Variants in SAMD5 observed in about 807,000 individuals in gnomAD.
The protein encoded by SAMD5 is sterile alpha motif domain containing 5, also known as sterile alpha motif domain-containing protein 5.
A neutral mutation model predicts 11.3 loss-of-function variants in SAMD5; 13 were observed. That is an observed-to-expected ratio of 1.15 (90% CI 0.75 to 1.83). The LOEUF (loss-of-function observed/expected upper bound fraction) is 1.83, where lower values mean the gene tolerates loss of function less well. Ranked by LOEUF, SAMD5 falls within the 40% of genes most tolerant of loss-of-function variation. The pLI is 0.00. For missense variants in SAMD5, 255 were observed against 239.1 expected (o/e 1.07, Z -0.44); for synonymous variants, 129 against 111.3 (o/e 1.16, Z -1.00).
At chr6:147,887,043 T>A in the SAMD5 span, among the ~76,000 whole-genome samples, 2 of 152,320 alleles carry the variant, frequency 1.3e-5, 1 homozygote, top group South Asian at 4.1e-4. Flanking sequence ...CTAACCCACA[T>A]AAACTGTGAG....
At chr6:147,756,369 T>C in the SAMD5 span, among the ~76,000 whole-genome samples, 2 of 152,156 alleles carry the variant, frequency 1.3e-5, no homozygotes, top group Non-Finnish European at 2.9e-5. Context: ...TAATTTGATT[T>C]GGATCCTGGG....
intron 1 of SAMD5, among the ~76,000 whole-genome samples, chr6:147,544,908 GA>G (rs1267534755): frequency 6.6e-6 from 1 of 152,044 alleles, no homozygotes; most frequent in Admixed American, 6.6e-5. Flanking sequence ...GAAATTCTTT[GA>G]CAACAAAATA....
chr6:147,674,961 C>T (rs1790843110), intron 1 of SAMD5, among the ~76,000 whole-genome samples: 1 of 152,206 alleles, frequency 6.6e-6, no homozygotes, highest in Non-Finnish European at 1.5e-5. Context: ...AACACTAACC[C>T]TTGCCCATGG....
At chr6:147,835,003 C>T in the SAMD5 span, among the ~76,000 whole-genome samples, 6 of 152,050 alleles carry the variant, frequency 3.9e-5, no homozygotes, top group Admixed American at 2.6e-4. Context: ...CCGAGGTGGG[C>T]TGATCACTTG....
chr6:147,772,721 C>G, the SAMD5 span, among the ~76,000 whole-genome samples: 3 of 152,122 alleles, frequency 2.0e-5, no homozygotes, highest in African/African-American at 7.2e-5. Context: ...CTTACATGGA[C>G]ACTAGTCAGA....
At chr6:147,608,125 A>G (rs192745200) in intron 1 of SAMD5, among the ~76,000 whole-genome samples, 1 of 152,214 alleles carries the variant, frequency 6.6e-6, no homozygotes, top group Non-Finnish European at 1.5e-5. Flanking sequence ...TATATCCAAA[A>G]GACAGGCAAT....
At chr6:147,849,588 A>G in the SAMD5 span, among the ~76,000 whole-genome samples, 1 of 152,160 alleles carries the variant, frequency 6.6e-6, no homozygotes, top group Admixed American at 6.5e-5. Context: ...TTGTATCCTG[A>G]TTTAGCACTA....
chr6:147,695,206 T>G (rs1791158674), intron 1 of SAMD5, among the ~76,000 whole-genome samples: 1 of 152,346 alleles, frequency 6.6e-6, no homozygotes, highest in East Asian at 1.9e-4. Context: ...GAACAGAAAT[T>G]TCTGTGACTT....
intron 1 of SAMD5, among the ~76,000 whole-genome samples, chr6:147,632,060 G>T (rs1790159598): frequency 6.6e-6 from 1 of 152,156 alleles, no homozygotes; most frequent in African/African-American, 2.4e-5. Context: ...TTTCAGTGGG[G>T]GAGTAGGTGG....
intron 1 of SAMD5, among the ~76,000 whole-genome samples, chr6:147,611,865 A>C (rs1275377740): frequency 6.6e-6 from 1 of 152,180 alleles, no homozygotes; most frequent in East Asian, 1.9e-4. Context: ...CATGGAGATG[A>C]AAGTGTAATC....
intron 1 of SAMD5, among the ~76,000 whole-genome samples, chr6:147,653,968 G>GTGTTGTAAT (rs1459983346): frequency 6.6e-6 from 1 of 152,172 alleles, no homozygotes; most frequent in East Asian, 1.9e-4. Context: ...ACTGGTCACA[G>GTGTTGTAAT]CCCAGAAGAT....
intron 1 of SAMD5, among the ~76,000 whole-genome samples, chr6:147,561,191 A>G (rs1054612535): frequency 5.3e-5 from 8 of 151,980 alleles, no homozygotes; most frequent in Non-Finnish European, 1.2e-4. Flanking sequence ...TTATGAATTT[A>G]TTTATTTATT....
the SAMD5 span, among the ~76,000 whole-genome samples, chr6:147,929,235 C>G: frequency 3.0e-4 from 45 of 152,204 alleles, no homozygotes; most frequent in African/African-American, 1.0e-3. Context: ...GTGTCAAAGT[C>G]AGGTAGTCAA....
the SAMD5 span, among the ~76,000 whole-genome samples, chr6:147,816,301 A>AAAAAAAAAATATATAT: frequency 9.0e-5 from 6 of 66,350 alleles, no homozygotes; most frequent in Non-Finnish European, 1.4e-4. Context: ...AAAAAAAAAA[A>AAAAAAAAAATATATAT]ATATATATAT....
At chr6:147,707,819 A>G (rs1791344618) in intron 1 of SAMD5, among the ~76,000 whole-genome samples, 1 of 151,838 alleles carries the variant, frequency 6.6e-6, no homozygotes, top group Admixed American at 6.6e-5. Context: ...GTGGAAAAGT[A>G]TTTTTCTGGA....
intron 1 of SAMD5, among the ~76,000 whole-genome samples, chr6:147,540,912 G>A (rs1007952164): frequency 4.1e-5 from 6 of 145,580 alleles, no homozygotes; most frequent in Non-Finnish European, 7.4e-5. Context: ...CCGCACCATA[G>A]CTGTGGGGTT....
chr6:147,614,964 CATTTATAT>C (rs1410614422), intron 1 of SAMD5, among the ~76,000 whole-genome samples: 1 of 151,736 alleles, frequency 6.6e-6, no homozygotes, highest in African/African-American at 2.4e-5. Flanking sequence ...GTTATAAACA[CATTTATAT>C]CTATGTTTAG....
At chr6:147,679,669 G>A (rs1790913339) in intron 1 of SAMD5, among the ~76,000 whole-genome samples, 2 of 151,854 alleles carry the variant, frequency 1.3e-5, no homozygotes, top group African/African-American at 4.8e-5. Context: ...AAAGTCCAAT[G>A]TCTCTTTCTT....
the SAMD5 span, among the ~76,000 whole-genome samples, chr6:147,855,203 G>A: frequency 6.6e-6 from 1 of 152,018 alleles, no homozygotes; most frequent in African/African-American, 2.4e-5. Context: ...TTGGATTGAC[G>A]ACATAAAATA....
Sources: gnomAD v4.1 joint callset for allele counts (sites outside exome capture counted in the v4.1 genomes callset) on GRCh38, gnomAD v4.1.1 for gene constraint, MANE v1.5 for transcripts, NCBI Gene and HGNC (gene_info 2026-07-23, HGNC 2026-07-21) for gene names.